The following CELF4 variants were observed in gnomAD, a reference collection of about 807,000 sequenced individuals.
CELF4 encodes the protein CUGBP Elav-like family member 4.
A neutral mutation model predicts 59.9 loss-of-function variants in CELF4; 18 were observed. The observed-to-expected ratio is 0.30, with a 90% CI of 0.21 to 0.45. The LOEUF is 0.45. Among genes scored for constraint, CELF4 ranks in the 20% least tolerant of loss-of-function variants. The pLI, the probability that CELF4 is intolerant of heterozygous loss-of-function variation, is 1.00. For missense variants in CELF4, 456 were observed against 689.0 expected, an observed-to-expected ratio of 0.66 and a Z score of 3.79; for synonymous variants, 261 against 267.1, an observed-to-expected ratio of 0.98 and a Z score of 0.22.
In CELF4 at chr18:37,536,301, CTTGT is replaced by C. The variant is rs1394264502; in HGVS notation, c.286+29051_286+29054del. On this transcript the variant is annotated intron_variant, in intron 1 of 12. Transcript: ENST00000420428. ...AGGCCAGAATGGTTGTGGGGTAAGG[CTTGT>C]GGTCTTCAGAGTCCCAAGGGACAGG... 6.7e-4 allele frequency among the ~76,000 whole-genome samples: 102 copies of C among 152,212 alleles called. 2 individuals are homozygous for C. The East Asian group carries it at 0.019, about 28-fold the overall frequency.
chr18:37,460,149 G>A (rs2099789659), intron 2 of CELF4, among the ~76,000 whole-genome samples: 1 of 152,184 alleles, frequency 6.6e-6, no homozygotes, highest in Non-Finnish European at 1.5e-5. Flanking sequence ...GGCTCGCCAT[G>A]TCTGAACATG....
chr18:37,347,116 C>A (rs1201212606), intron 2 of CELF4, among the ~76,000 whole-genome samples: 1 of 152,078 alleles, frequency 6.6e-6, no homozygotes, highest in Non-Finnish European at 1.5e-5. Flanking sequence ...AAGGCCCAAG[C>A]TCACAAGAGC....
At chr18:37,560,694 A>G (rs1248655868) in intron 1 of CELF4, among the ~76,000 whole-genome samples, 2 of 152,112 alleles carry the variant, frequency 1.3e-5, no homozygotes, top group African/African-American at 4.8e-5. Context: ...ATCTTAATTG[A>G]GCTCATGCCC....
chr18:37,518,670 C>G (rs1041855191), intron 1 of CELF4, among the ~76,000 whole-genome samples: 4 of 152,120 alleles, frequency 2.6e-5, no homozygotes, highest in South Asian at 2.1e-4. Flanking sequence ...TCCCCAAGCC[C>G]TACCTCAGGC....
intron 1 of CELF4, among the ~76,000 whole-genome samples, chr18:37,523,893 C>T (rs1027516234): frequency 5.9e-5 from 9 of 152,202 alleles, no homozygotes; most frequent in African/African-American, 2.2e-4. Context: ...CGTGTGGCTT[C>T]TTGCAACTCA....
chr18:37,394,419 T>C (rs9947463), intron 2 of CELF4, among the ~76,000 whole-genome samples: 131,903 of 152,228 alleles, frequency 0.87, 57,325 homozygotes, highest in African/African-American at 0.93. Flanking sequence ...GAGCTGCCCT[T>C]GGTCCAGCAG....
At chr18:37,266,711 G>A (rs1206007360) in intron 8 of CELF4, 113 bp from the exon 9 acceptor site, 3 of 955,358 alleles carry the variant, frequency 3.1e-6, no homozygotes, top group Non-Finnish European at 4.6e-6. Flanking sequence ...ACTGCAGGCT[G>A]TGCCCTGGGG....
intron 2 of CELF4, among the ~76,000 whole-genome samples, chr18:37,407,361 G>A (rs1005031853): frequency 5.3e-5 from 8 of 152,152 alleles, no homozygotes; most frequent in Non-Finnish European, 7.3e-5. Flanking sequence ...AGCAGACATG[G>A]CACCTGCCTG....
At chr18:37,475,819 A>T (rs2099847273) in intron 2 of CELF4, among the ~76,000 whole-genome samples, 1 of 152,144 alleles carries the variant, frequency 6.6e-6, no homozygotes, top group Non-Finnish European at 1.5e-5. Flanking sequence ...GAAAATTCAC[A>T]CTGACCTGGC....
At chr18:37,538,172 C>T (rs895810183) in intron 1 of CELF4, among the ~76,000 whole-genome samples, 3 of 152,214 alleles carry the variant, frequency 2.0e-5, no homozygotes, top group Non-Finnish European at 4.4e-5. Context: ...GGGGATGGCC[C>T]TGGTCTCTCC....
chr18:37,358,627 G>A (rs2098645730), intron 2 of CELF4, among the ~76,000 whole-genome samples: 1 of 152,192 alleles, frequency 6.6e-6, no homozygotes, highest in Non-Finnish European at 1.5e-5. Context: ...ATTAGTCCAG[G>A]TGCTTTACAC....
intron 2 of CELF4, among the ~76,000 whole-genome samples, chr18:37,482,992 CAT>C (rs1287880246): frequency 6.6e-6 from 1 of 152,094 alleles, no homozygotes; most frequent in Non-Finnish European, 1.5e-5. Flanking sequence ...TTTAGTCAGA[CAT>C]AGAGTGTGCT....
At chr18:37,454,375 A>T (rs2154601841) in intron 2 of CELF4, among the ~76,000 whole-genome samples, 1 of 152,156 alleles carries the variant, frequency 6.6e-6, no homozygotes, top group African/African-American at 2.4e-5. Context: ...CATTCAAATG[A>T]CCCAAGTCAG....
At chr18:37,404,824 C>T (rs1316015367) in intron 2 of CELF4, among the ~76,000 whole-genome samples, 4 of 152,208 alleles carry the variant, frequency 2.6e-5, no homozygotes, top group Admixed American at 2.6e-4. Context: ...TTAATCTGCT[C>T]TGGAGGCTGG....
Position 37,274,785 on chromosome 18 carries a change from C to T in CELF4, c.657+20G>A. On this transcript the variant is annotated intron_variant, in intron 5 of 12. Transcript: ENST00000420428. ...GGCCCGCCGCTGCCCTCGCCCCCGCCCCAAGGGGCCAGCACTCACCGGCAT... is the reference window on the plus strand; with the variant it reads ...GGCCCGCCGCTGCCCTCGCCCCCGCTCCAAGGGGCCAGCACTCACCGGCAT... The T allele has an allele frequency of 1.3e-6, 2 of 1,566,432 alleles. No individual in the cohort carries two copies. Among genetic ancestry groups the T allele is most frequent in the Non-Finnish European group, 1.7e-6 (2 of 1,159,090 alleles).
intron 1 of CELF4, among the ~76,000 whole-genome samples, chr18:37,493,510 G>C (rs2099913394): frequency 6.6e-6 from 1 of 152,228 alleles, no homozygotes; most frequent in South Asian, 2.1e-4. Flanking sequence ...GGCTGGGTGA[G>C]AGTGAGCGGA....
At chr18:37,293,402 G>A (rs1000296867) in intron 3 of CELF4, among the ~76,000 whole-genome samples, 2 of 152,054 alleles carry the variant, frequency 1.3e-5, no homozygotes, top group Non-Finnish European at 2.9e-5. Flanking sequence ...CTATCCCTAC[G>A]TGGTGCTCTC....
chr18:37,374,763 C>A (rs1189655839), intron 2 of CELF4, among the ~76,000 whole-genome samples: 1 of 152,188 alleles, frequency 6.6e-6, no homozygotes, highest in African/African-American at 2.4e-5. Flanking sequence ...ATTGTCCTTA[C>A]CCAGCACTGA....
intron 12 of CELF4, among the ~76,000 whole-genome samples, chr18:37,252,175 A>G (rs1257074328): frequency 6.6e-6 from 1 of 152,086 alleles, no homozygotes; most frequent in Non-Finnish European, 1.5e-5. Context: ...TGGACTGTGA[A>G]ACTCAAATGT....
Sources: gnomAD v4.1 joint callset for allele counts (sites outside exome capture counted in the v4.1 genomes callset) on GRCh38, gnomAD v4.1.1 for gene constraint, MANE v1.5 for transcripts, NCBI Gene and HGNC (gene_info 2026-07-23, HGNC 2026-07-21) for gene names.